Variants in SGK3 observed in about 807,000 individuals in gnomAD.
SGK3 encodes the protein serum/glucocorticoid regulated kinase family member 3.
SGK3 carries 47 observed loss-of-function variants against 68.5 expected under a neutral mutation model. That is an observed-to-expected ratio of 0.69 (90% CI 0.54 to 0.87). SGK3 has a LOEUF of 0.87. Ranked by LOEUF, SGK3 falls within the 40% of genes least tolerant of loss-of-function variation. The probability of loss-of-function intolerance (pLI) is 0.00; values close to 1 mark genes in which losing one functional copy is unlikely to be tolerated. For missense variants in SGK3, 479 were observed against 575.5 expected (o/e 0.83, Z 1.72); for synonymous variants, 181 against 189.1 (o/e 0.96, Z 0.35).
chr8:66,752,247 C>G (rs920440457), intron 1 of SGK3, among the ~76,000 whole-genome samples: 3 of 152,042 alleles, frequency 2.0e-5, no homozygotes, highest in African/African-American at 7.2e-5. Context: ...GGACTCTGTT[C>G]ATTCAGTAAA....
At chr8:66,820,403 C>A (rs905777766) in intron 5 of SGK3, among the ~76,000 whole-genome samples, 11 of 152,260 alleles carry the variant, frequency 7.2e-5, no homozygotes, top group African/African-American at 2.6e-4. Flanking sequence ...CTTTTTATGG[C>A]TAATATCACA....
At chr8:66,713,350 C>T (rs147293504) in intron 1 of SGK3, among the ~76,000 whole-genome samples, 1 of 152,312 alleles carries the variant, frequency 6.6e-6, no homozygotes, top group East Asian at 1.9e-4. Flanking sequence ...TTGGAATGTA[C>T]CCACAAGAAG....
intron 3 of SGK3, among the ~76,000 whole-genome samples, chr8:66,799,667 G>C (rs1209815424): frequency 6.6e-6 from 1 of 152,156 alleles, no homozygotes; most frequent in Non-Finnish European, 1.5e-5. Flanking sequence ...TGTCACCCAG[G>C]CTGGAGTGCA....
intron 1 of SGK3, among the ~76,000 whole-genome samples, chr8:66,770,060 T>C (rs1806458114): frequency 6.6e-6 from 1 of 152,114 alleles, no homozygotes; most frequent in African/African-American, 2.4e-5. Context: ...TTCATGCCAT[T>C]CTCCTGCCTC....
At chr8:66,812,322 G>C (rs554061600) in intron 4 of SGK3, among the ~76,000 whole-genome samples, 1 of 152,120 alleles carries the variant, frequency 6.6e-6, no homozygotes, top group Non-Finnish European at 1.5e-5. Context: ...ACTTTGGGAG[G>C]CCGAGGCAGG....
chr8:66,777,499 A>G (rs549897186), intron 1 of SGK3, among the ~76,000 whole-genome samples: 4 of 152,200 alleles, frequency 2.6e-5, no homozygotes, highest in African/African-American at 9.6e-5. Context: ...ATTTATTCCT[A>G]GTTACCCAGG....
intron 5 of SGK3, among the ~76,000 whole-genome samples, chr8:66,817,449 A>G (rs115526602): frequency 0.031 from 4,649 of 151,304 alleles, 254 homozygotes; most frequent in African/African-American, 0.11. Context: ...ACAAAAAAAC[A>G]AACGGAGTTT....
chr8:66,766,062 TG>T (rs1213539686), intron 1 of SGK3, among the ~76,000 whole-genome samples: 1 of 152,100 alleles, frequency 6.6e-6, no homozygotes, highest in Non-Finnish European at 1.5e-5. Context: ...AATGTCTTGC[TG>T]TTATTGATTC....
intron 1 of SGK3, among the ~76,000 whole-genome samples, chr8:66,740,586 T>C (rs193299088): frequency 6.6e-6 from 1 of 152,192 alleles, no homozygotes; most frequent in East Asian, 1.9e-4. Context: ...TTGCTCATCT[T>C]AGTATGGTCA....
chr8:66,747,885 C>G (rs1805696997), intron 1 of SGK3, among the ~76,000 whole-genome samples: 1 of 152,160 alleles, frequency 6.6e-6, no homozygotes, highest in Non-Finnish European at 1.5e-5. Flanking sequence ...AAAAATGATG[C>G]AATGTGCTTT....
intron 16 of SGK3, among the ~76,000 whole-genome samples, chr8:66,858,678 G>A (rs557038260): frequency 1.3e-5 from 2 of 152,246 alleles, no homozygotes; most frequent in South Asian, 4.1e-4. Flanking sequence ...GTTAGAATAA[G>A]CTTGTTCAGT....
chr8:66,735,778 A>C (rs1413898253), intron 1 of SGK3, among the ~76,000 whole-genome samples: 1 of 151,980 alleles, frequency 6.6e-6, no homozygotes, highest in Non-Finnish European at 1.5e-5. Flanking sequence ...TTTTTTCTTA[A>C]CCCTTCAGAA....
At chr8:66,733,237 A>AGGCT (rs1416286663) in intron 1 of SGK3, among the ~76,000 whole-genome samples, 3 of 152,248 alleles carry the variant, frequency 2.0e-5, no homozygotes, top group African/African-American at 4.8e-5. Flanking sequence ...CTTGGCAAAG[A>AGGCT]GGCTGGTGCC....
chr8:66,851,113 G>C (rs1038408117), intron 16 of SGK3, among the ~76,000 whole-genome samples, 193 bp downstream of exon 16: 6 of 152,266 alleles, frequency 3.9e-5, no homozygotes, highest in Admixed American at 3.9e-4. Flanking sequence ...AGTTAGATTA[G>C]GTTGATAAAA....
At chr8:66,846,700 CG>C (rs1378549538) in intron 14 of SGK3, among the ~76,000 whole-genome samples, 1 of 152,138 alleles carries the variant, frequency 6.6e-6, no homozygotes, top group Non-Finnish European at 1.5e-5. Context: ...TTGGCTGTTG[CG>C]GTGGCATTTT....
At chr8:66,850,722 A>G in intron 15 of SGK3, 109 bp from the exon 16 acceptor site, 1 of 989,956 alleles carries the variant, frequency 1.0e-6, no homozygotes, top group South Asian at 1.7e-5. Flanking sequence ...TGTTCCTAAA[A>G]AGAGTTATTG....
intron 1 of SGK3, among the ~76,000 whole-genome samples, chr8:66,757,930 TATATATATATATAC>T (rs1321359529): frequency 2.1e-5 from 3 of 143,078 alleles, no homozygotes; most frequent in East Asian, 2.0e-4. Flanking sequence ...AAAAAGTGTA[TATATATATATATAC>T]ATATATATAT....
chr8:66,737,015 G>A (rs114771223), intron 1 of SGK3, among the ~76,000 whole-genome samples: 4,988 of 151,548 alleles, frequency 0.033, 102 homozygotes, highest in Admixed American at 0.047. Flanking sequence ...TGGGTTCAAG[G>A]GCTCCTCTTG....
In SGK3 at chr8:66,859,582, G is replaced by A. The variant is rs549466669; in HGVS notation, c.*1G>A. Reference sequence around the variant, plus strand: ...TCCTTCAGAAGACTTATTTTTGTGAGCAGTTTGCCATTCAGAAACCATTGA... The same window carrying A: ...TCCTTCAGAAGACTTATTTTTGTGAACAGTTTGCCATTCAGAAACCATTGA... On this transcript the variant is annotated 3_prime_UTR_variant, in exon 17 of 17. Transcript: ENST00000521198. 1.9e-6 allele frequency: 3 copies of A among 1,606,592 alleles called. No homozygotes were observed. The highest frequency in any genetic ancestry group is 1.1e-5 in the South Asian group (1 of 89,948).
Sources: allele counts gnomAD v4.1 joint callset (sites outside exome capture counted in the v4.1 genomes callset), GRCh38; gene constraint gnomAD v4.1.1; transcripts MANE v1.5; gene names NCBI Gene and HGNC (gene_info 2026-07-23, HGNC 2026-07-21).